The following MTA3 variants were observed in gnomAD, a reference collection of about 807,000 sequenced individuals.
The protein encoded by MTA3 is metastasis-associated protein MTA3.
A neutral mutation model predicts 83.5 loss-of-function variants in MTA3; 34 were observed. That is an observed-to-expected ratio of 0.41 (90% CI 0.31 to 0.54). MTA3 has a LOEUF of 0.54. Among genes scored for constraint, MTA3 ranks in the 20% least tolerant of loss-of-function variants. The pLI is 0.33. For missense variants in MTA3, 761 were observed against 726.4 expected (o/e 1.05, Z -0.55); for synonymous variants, 303 against 252.7 (o/e 1.20, Z -1.89).
chr2:42,637,690 A>G (rs975505490), intron 4 of MTA3, among the ~76,000 whole-genome samples: 1 of 152,204 alleles, frequency 6.6e-6, no homozygotes, highest in Non-Finnish European at 1.5e-5. Context: ...GATGTACAAT[A>G]TAGCTATATT....
chr2:42,593,042 A>G (rs1203046736), intron 3 of MTA3, among the ~76,000 whole-genome samples: 1 of 152,052 alleles, frequency 6.6e-6, no homozygotes, highest in Non-Finnish European at 1.5e-5. Flanking sequence ...AATCGCAGCT[A>G]CTTGGGAGAC....
chr2:42,634,326 A>T (rs1334016113), intron 4 of MTA3, among the ~76,000 whole-genome samples: 1 of 152,244 alleles, frequency 6.6e-6, no homozygotes, highest in East Asian at 1.9e-4. Context: ...CTGCTATAGA[A>T]CTACCCGAGA....
chr2:42,604,537 G>A (rs1028883819), intron 3 of MTA3, among the ~76,000 whole-genome samples: 3 of 148,928 alleles, frequency 2.0e-5, no homozygotes, highest in Admixed American at 1.3e-4. Context: ...AGTGTTGCTC[G>A]ATAATTCTTA....
chr2:42,587,863 A>T (rs1410683768), intron 3 of MTA3, among the ~76,000 whole-genome samples: 1 of 152,104 alleles, frequency 6.6e-6, no homozygotes, highest in Non-Finnish European at 1.5e-5. Context: ...TGGCCTCCTA[A>T]GGTGCTGGGG....
At chr2:42,717,272 C>A (rs77184555) in intron 14 of MTA3, among the ~76,000 whole-genome samples, 114 of 151,818 alleles carry the variant, frequency 7.5e-4, no homozygotes, top group African/African-American at 2.7e-3. Context: ...AGGAAATTCC[C>A]TGTGTGTATG....
rs561283434 is a variant in MTA3 at position 42,587,405 on chromosome 2, C to T, written c.190+8205C>T. ...CTCCCTATATCAGGACCCCCCAAAA[C>T]CCAGTTCTCCCCGACAAGTCATTAT... On this transcript the variant is annotated intron_variant, in intron 3 of 16. Coordinates refer to ENST00000405094, the MANE Select transcript of MTA3 (RefSeq NM_001330442.2). Among the ~76,000 whole-genome samples, 77 of 152,228 alleles carry T rather than the reference C, an allele frequency of 5.1e-4. 1 individual carries two copies. The highest frequency in any genetic ancestry group is 1.6e-3 in the African/African-American group (66 of 41,534).
chr2:42,518,222 C>T (rs1472237324), intron 2 of MTA3, among the ~76,000 whole-genome samples: 1 of 152,016 alleles, frequency 6.6e-6, no homozygotes, highest in Non-Finnish European at 1.5e-5. Context: ...GAGTTGCATG[C>T]ACTAAGCACC....
Position 42,755,302 on chromosome 2 carries a change from C to G in MTA3, c.*1903C>G. On this transcript the variant is annotated 3_prime_UTR_variant, in exon 17 of 17. Coordinates refer to ENST00000405094, the MANE Select transcript of MTA3 (RefSeq NM_001330442.2). Reference sequence around the variant, plus strand: ...AAGTGGTGACTGCAGATTCTGGAAACAATTAGCTGCCCGTGACTCAGCTGC... The same window carrying G: ...AAGTGGTGACTGCAGATTCTGGAAAGAATTAGCTGCCCGTGACTCAGCTGC... 1 of 985,466 alleles carries G rather than the reference C, an allele frequency of 1.0e-6. No individual in the cohort carries two copies. The highest frequency in any genetic ancestry group is 1.2e-6 in the Non-Finnish European group (1 of 829,978). 61.0% of individuals were successfully genotyped at this position (985,466 alleles called of 1,614,324 possible).
chr2:42,579,430 T>TATA (rs34558374), intron 3 of MTA3, among the ~76,000 whole-genome samples: 114 of 122,508 alleles, frequency 9.3e-4, no homozygotes, highest in Middle Eastern at 4.4e-3. Flanking sequence ...TATATATATA[T>TATA]TTTTTTTTTT....
intron 16 of MTA3, among the ~76,000 whole-genome samples, chr2:42,736,135 T>C (rs1369733757): frequency 6.6e-6 from 1 of 152,214 alleles, no homozygotes; most frequent in Non-Finnish European, 1.5e-5. Flanking sequence ...TAAGTCTTTG[T>C]TCACTGCAGC....
chr2:42,613,277 G>A (rs553226136), intron 4 of MTA3, among the ~76,000 whole-genome samples: 3 of 152,260 alleles, frequency 2.0e-5, no homozygotes, highest in African/African-American at 7.2e-5. Context: ...TGAGTTTACC[G>A]GGTGGTAATT....
chr2:42,533,667 A>G lies in MTA3; in HGVS notation c.-140-36770A>G, dbSNP rs1283615746. 1.3e-5 allele frequency among the ~76,000 whole-genome samples: 2 copies of G among 150,794 alleles called. 1 individual carries two copies. Among genetic ancestry groups the G allele is most frequent in the African/African-American group, 4.9e-5 (2 of 41,174 alleles). On this transcript the variant is annotated intron_variant, in intron 2 of 17. Coordinates refer to the MTA3 transcript ENST00000405592. ...GCTAACACAGTGAAACCCCGTCTCT[A>G]CTAAAAATACAAAAATTAGCAGGGC...
intron 9 of MTA3, among the ~76,000 whole-genome samples, chr2:42,692,130 C>T (rs1402486004): frequency 6.6e-6 from 1 of 152,122 alleles, no homozygotes; most frequent in Non-Finnish European, 1.5e-5. Context: ...TTTCTAGATC[C>T]TATAAGCAGG....
intron 3 of MTA3, among the ~76,000 whole-genome samples, chr2:42,598,559 TA>T (rs1191308704): frequency 6.6e-6 from 1 of 152,214 alleles, no homozygotes; most frequent in Non-Finnish European, 1.5e-5. Context: ...CTAACTGGAT[TA>T]GTATCCTGTC....
intron 2 of MTA3, among the ~76,000 whole-genome samples, chr2:42,519,599 C>G (rs143638286): frequency 0.011 from 1,663 of 145,198 alleles, 24 homozygotes; most frequent in African/African-American, 0.037. Flanking sequence ...GAGTGAGACT[C>G]TGTCTCAAAA....
At chr2:42,700,500 T>C (rs1213510597) in intron 11 of MTA3, among the ~76,000 whole-genome samples, 1 of 152,234 alleles carries the variant, frequency 6.6e-6, no homozygotes, top group Admixed American at 6.5e-5. Context: ...ACGTTCTAGA[T>C]TCAGTTGAGC....
rs1667626037 is a variant in MTA3, at chr2:42,724,075, A to C, written c.1759+1040A>C. On this transcript the variant is annotated intron_variant, in intron 16 of 16. Transcript: ENST00000405094. ...CTAATGAGAACGTTGGCCATCCTTG[A>C]CACAATATACCTGATGTCTAGACAG... is the stretch of plus-strand genomic sequence containing the variant. Among the ~76,000 whole-genome samples, 3 of 152,128 alleles carry C rather than the reference A, an allele frequency of 2.0e-5. 1 individual carries two copies. Among genetic ancestry groups the C allele is most frequent in the Admixed American group, 2.0e-4 (3 of 15,262 alleles).
At chr2:42,641,164 C>G (rs1687659825) in intron 5 of MTA3, among the ~76,000 whole-genome samples, 1 of 150,826 alleles carries the variant, frequency 6.6e-6, no homozygotes, top group African/African-American at 2.4e-5. Flanking sequence ...TCCTCAGCCT[C>G]CCAAAGTGCT....
chr2:42,561,353 C>T (rs752963151), intron 2 of MTA3, among the ~76,000 whole-genome samples: 2 of 150,700 alleles, frequency 1.3e-5, no homozygotes, highest in Admixed American at 6.6e-5. Context: ...GATGGAATCT[C>T]GCTCTGTTGC....
Sources: allele counts gnomAD v4.1 joint callset (sites outside exome capture counted in the v4.1 genomes callset), GRCh38; gene constraint gnomAD v4.1.1; transcripts MANE v1.5; gene names NCBI Gene and HGNC (gene_info 2026-07-23, HGNC 2026-07-21).